Variants in SLC14A2 observed in about 807,000 individuals in gnomAD.
SLC14A2 encodes the protein urea transporter 2.
A neutral mutation model predicts 104.6 loss-of-function variants in SLC14A2; 91 were observed. The ratio of observed to expected loss-of-function variants is 0.87; its 90% CI spans 0.73 to 1.04. SLC14A2 has a LOEUF of 1.04. SLC14A2 is among the 50% of genes least tolerant of loss of function. The probability of loss-of-function intolerance (pLI) is 0.00; values close to 1 mark genes in which losing one functional copy is unlikely to be tolerated. For missense variants in SLC14A2, 1,189 were observed against 1,156.0 expected, an observed-to-expected ratio of 1.03 and a Z score of -0.41; for synonymous variants, 476 against 466.4, an observed-to-expected ratio of 1.02 and a Z score of -0.27.
chr18:45,484,347 T>C (rs893860964), intron 2 of SLC14A2, among the ~76,000 whole-genome samples: 1 of 152,216 alleles, frequency 6.6e-6, no homozygotes, highest in Non-Finnish European at 1.5e-5. Flanking sequence ...TGAGGTAGTC[T>C]CTGGCTAGTA....
intron 2 of SLC14A2, among the ~76,000 whole-genome samples, chr18:45,595,764 C>G (rs928587109): frequency 6.6e-6 from 1 of 152,144 alleles, no homozygotes; most frequent in Non-Finnish European, 1.5e-5. Flanking sequence ...AGGTACTCAG[C>G]GGCAGCCTTT....
intron 2 of SLC14A2, among the ~76,000 whole-genome samples, chr18:45,534,389 G>A (rs1419795901): frequency 1.3e-5 from 2 of 152,078 alleles, no homozygotes; most frequent in Admixed American, 6.6e-5. Flanking sequence ...GTACAGACGC[G>A]ACATGCCTGG....
At chr18:45,661,454 T>G (rs768647290) in intron 10 of SLC14A2, among the ~76,000 whole-genome samples, 1 of 152,210 alleles carries the variant, frequency 6.6e-6, no homozygotes, top group Non-Finnish European at 1.5e-5. Context: ...TCTGTGCCTT[T>G]CGATATAATG....
At chr18:45,663,236 G>A (rs1236125841) in intron 10 of SLC14A2, among the ~76,000 whole-genome samples, 1 of 152,180 alleles carries the variant, frequency 6.6e-6, no homozygotes, top group African/African-American at 2.4e-5. Flanking sequence ...TGATGCTACT[G>A]GTCCAGGGAC....
At chr18:45,298,254 G>A (rs2084935706) in intron 1 of SLC14A2, among the ~76,000 whole-genome samples, 1 of 152,164 alleles carries the variant, frequency 6.6e-6, no homozygotes, top group Non-Finnish European at 1.5e-5. Flanking sequence ...CCAGTAATTG[G>A]TGGAGCAACA....
At chr18:45,384,871 A>G (rs2085877841) in intron 1 of SLC14A2, among the ~76,000 whole-genome samples, 1 of 152,270 alleles carries the variant, frequency 6.6e-6, no homozygotes. Context: ...CTATGACTTC[A>G]GTGAGACCTT....
intron 1 of SLC14A2, among the ~76,000 whole-genome samples, chr18:45,348,257 G>T (rs2085468925): frequency 6.6e-6 from 1 of 152,222 alleles, no homozygotes; most frequent in Non-Finnish European, 1.5e-5. Flanking sequence ...GTAGTTGCAA[G>T]ATTTGAAATG....
chr18:45,423,123 T>G (rs1470595159), intron 1 of SLC14A2, among the ~76,000 whole-genome samples: 1 of 152,242 alleles, frequency 6.6e-6, no homozygotes, highest in African/African-American at 2.4e-5. Flanking sequence ...TCACTCTCTC[T>G]GCTCCATTTG....
At chr18:45,628,392 C>T (rs530637326) in intron 4 of SLC14A2, among the ~76,000 whole-genome samples, 4 of 150,958 alleles carry the variant, frequency 2.6e-5, no homozygotes, top group African/African-American at 7.3e-5. Context: ...TGCAGTTAGC[C>T]GAGATCGCAC....
chr18:45,625,875 C>G lies in SLC14A2; in HGVS notation c.331+12C>G, dbSNP rs1390958453. 2 of 1,440,772 alleles carry G rather than the reference C, an allele frequency of 1.4e-6. No homozygotes were observed. Among genetic ancestry groups the G allele is most frequent in the South Asian group, 1.6e-5 (1 of 60,970 alleles). The allele number at this position is 1,440,772 out of a possible 1,614,324, so 89.2% of individuals were successfully genotyped here. ...GATCTGGCTGAAAGGTAGGAAAATA[C>G]CCTGGGGAGAGGCAGCCAGACCAGG... On this transcript the variant is annotated intron_variant, in intron 3 of 19. Transcript: ENST00000255226.
intron 1 of SLC14A2, among the ~76,000 whole-genome samples, chr18:45,370,029 AAG>A (rs1388575137): frequency 1.3e-5 from 2 of 152,206 alleles, no homozygotes; most frequent in Non-Finnish European, 2.9e-5. Context: ...GCTCTAGGCA[AAG>A]CCATCTTCTC....
chr18:45,656,727 T>A, intron 10 of SLC14A2, among the ~76,000 whole-genome samples: 1 of 152,184 alleles, frequency 6.6e-6, no homozygotes, highest in East Asian at 1.9e-4. Flanking sequence ...TCAGGCATCA[T>A]GAGGTTCAAT....
intron 1 of SLC14A2, among the ~76,000 whole-genome samples, chr18:45,260,834 C>A (rs1003377505): frequency 6.6e-6 from 1 of 151,952 alleles, no homozygotes; most frequent in Non-Finnish European, 1.5e-5. Flanking sequence ...CTGGGGACTA[C>A]TAGAGAGGGG....
At chr18:45,541,853 A>G (rs145443091) in intron 2 of SLC14A2, among the ~76,000 whole-genome samples, 1 of 152,098 alleles carries the variant, frequency 6.6e-6, no homozygotes, top group Non-Finnish European at 1.5e-5. Flanking sequence ...GGTGTCAAGG[A>G]CACCCTGTTT....
chr18:45,343,478 T>C (rs2085417791), intron 1 of SLC14A2, among the ~76,000 whole-genome samples: 1 of 152,086 alleles, frequency 6.6e-6, no homozygotes, highest in African/African-American at 2.4e-5. Context: ...CGTGCTACTG[T>C]GACACAGGGA....
rs1174699514 is a variant in SLC14A2 at position 45,236,395 on chromosome 18, A to G, written c.-125+23204A>G. ...TGTGTATATATACATGTATGTGTGT[A>G]TATATGTGTATATATACATGTATGT... On this transcript the variant is annotated intron_variant, in intron 1 of 20. Coordinates refer to the SLC14A2 transcript ENST00000586448. Among the ~76,000 whole-genome samples, 4 of 10,126 alleles carry G rather than the reference A, an allele frequency of 4.0e-4. 1 individual carries two copies. The highest frequency in any genetic ancestry group is 3.9e-3 in the South Asian group (1 of 254). 6.6% of individuals were successfully genotyped at this position (10,126 alleles called of 152,430 possible). A position where few individuals can be genotyped will look rare whatever the true frequency, so the allele number is the denominator to read the frequency against.
chr18:45,443,906 A>G (rs1427731993), intron 1 of SLC14A2, among the ~76,000 whole-genome samples: 2 of 152,186 alleles, frequency 1.3e-5, no homozygotes, highest in Non-Finnish European at 2.9e-5. Flanking sequence ...AAAGAAGCCT[A>G]TCCAGAGTAG....
chr18:45,673,942 A>G (rs931758048), intron 18 of SLC14A2, 125 bp downstream of exon 18: 2 of 996,148 alleles, frequency 2.0e-6, no homozygotes, highest in South Asian at 1.7e-5. Flanking sequence ...CTGAATACTC[A>G]ACGTTCAGTC....
intron 1 of SLC14A2, among the ~76,000 whole-genome samples, chr18:45,423,175 G>A (rs1331869731): frequency 6.6e-6 from 1 of 152,114 alleles, no homozygotes; most frequent in African/African-American, 2.4e-5. Context: ...TTTATTTTCC[G>A]CTCAGGCTCA....
Sources: allele counts gnomAD v4.1 joint callset (sites outside exome capture counted in the v4.1 genomes callset), GRCh38; gene constraint gnomAD v4.1.1; transcripts MANE v1.5; gene names NCBI Gene and HGNC (gene_info 2026-07-23, HGNC 2026-07-21).